The following DNAH14 variants were observed in gnomAD, a reference collection of about 807,000 sequenced individuals.
The protein encoded by DNAH14 is axonemal beta dynein heavy chain 14.
A neutral mutation model predicts 520.9 loss-of-function variants in DNAH14; 478 were observed. The ratio of observed to expected loss-of-function variants is 0.92; its 90% CI spans 0.85 to 0.99. The LOEUF is 0.99. Among genes scored for constraint, DNAH14 ranks in the 50% least tolerant of loss-of-function variants. The probability of loss-of-function intolerance (pLI) is 0.00; values close to 1 mark genes in which losing one functional copy is unlikely to be tolerated. For synonymous variants in DNAH14, 1,581 were observed against 1,757.2 expected, an observed-to-expected ratio of 0.90 and a Z score of 2.51; for missense variants, 4,831 against 5,234.5, an observed-to-expected ratio of 0.92 and a Z score of 2.38.
At chr1:225,134,940 G>A (rs1435224996) in intron 27 of DNAH14, among the ~76,000 whole-genome samples, 1 of 151,954 alleles carries the variant, frequency 6.6e-6, no homozygotes, top group Non-Finnish European at 1.5e-5. Flanking sequence ...TTTTTTCCTG[G>A]TTCAGTCTTG....
chr1:224,948,548 T>G (rs2059985182), intron 1 of DNAH14, among the ~76,000 whole-genome samples: 1 of 152,038 alleles, frequency 6.6e-6, no homozygotes, highest in African/African-American at 2.4e-5. Context: ...ATTTAGTTCA[T>G]TTATATTGAT....
At chr1:225,169,854 A>G (rs1573671901) in intron 36 of DNAH14, among the ~76,000 whole-genome samples, 1 of 152,356 alleles carries the variant, frequency 6.6e-6, no homozygotes, top group South Asian at 2.1e-4. Context: ...AAAAAATGTT[A>G]AGGGCAGCCA....
chr1:225,034,515 TTGTGTG>T (rs71170047), intron 11 of DNAH14, among the ~76,000 whole-genome samples: 3 of 147,704 alleles, frequency 2.0e-5, no homozygotes, highest in South Asian at 2.1e-4. Flanking sequence ...TGGCTTGAAT[TTGTGTG>T]TGTGTGTGTG....
At position 225,055,716 on chromosome 1, in the gene DNAH14, T is replaced by G. The variant is rs1436015022; in HGVS notation, c.2424+3921T>G. On this transcript the variant is annotated intron_variant, in intron 17 of 85. Coordinates refer to ENST00000682510, the MANE Select transcript of DNAH14 (RefSeq NM_001367479.1). ...CCACCACACAATAGGCCCTGTTGTG[T>G]GATGTTCCCCTTCCTGTTTCCATGT... Among the ~76,000 whole-genome samples the G allele has an allele frequency of 8.3e-5, 11 of 133,146 alleles. No individual in the cohort carries two copies. In the East Asian group the frequency reaches 2.4e-3, roughly 29 times the overall value. The allele number at this position is 133,146 out of a possible 152,430, so 87.3% of individuals were successfully genotyped here. A position where few individuals can be genotyped will look rare whatever the true frequency, so the allele number is the denominator to read the frequency against.
At chr1:225,141,608 TCCTGA>T (rs1266652068) in intron 28 of DNAH14, among the ~76,000 whole-genome samples, 1 of 152,174 alleles carries the variant, frequency 6.6e-6, no homozygotes, top group Non-Finnish European at 1.5e-5. Context: ...TGCTTTGTCT[TCCTGA>T]CCTGATTAGG....
chr1:225,350,673 G>A (rs979637947), intron 71 of DNAH14, among the ~76,000 whole-genome samples: 6 of 152,014 alleles, frequency 3.9e-5, no homozygotes, highest in African/African-American at 1.2e-4. Flanking sequence ...TAAATTCCTT[G>A]TAGTCTACCG....
At chr1:225,194,136 G>C (rs1412509536) in intron 38 of DNAH14, among the ~76,000 whole-genome samples, 2 of 152,012 alleles carry the variant, frequency 1.3e-5, no homozygotes, top group Non-Finnish European at 2.9e-5. Flanking sequence ...AGCAATTACA[G>C]ACTTAATGCT....
chr1:224,993,241 C>T (rs1173953399), intron 8 of DNAH14, among the ~76,000 whole-genome samples: 1 of 152,034 alleles, frequency 6.6e-6, no homozygotes, highest in Admixed American at 6.6e-5. Context: ...TGGAGGCATT[C>T]TCTTTCCAAT....
intron 53 of DNAH14, among the ~76,000 whole-genome samples, chr1:225,276,701 C>T (rs1374072835): frequency 6.6e-6 from 1 of 151,160 alleles, no homozygotes; most frequent in Non-Finnish European, 1.5e-5. Flanking sequence ...AGTTTGAGAC[C>T]AGTCTGGTCA....
At chr1:225,296,252 G>C (rs922381680) in intron 55 of DNAH14, among the ~76,000 whole-genome samples, 1 of 152,060 alleles carries the variant, frequency 6.6e-6, no homozygotes, top group African/African-American at 2.4e-5. Context: ...TAGAGACGAG[G>C]TCTCACTATG....
chr1:225,218,381 G>T lies in DNAH14; in HGVS notation c.6439+11161G>T, dbSNP rs939309443. Among the ~76,000 whole-genome samples the T allele has an allele frequency of 2.6e-5, 4 of 151,840 alleles. No individual in the cohort carries two copies. The East Asian group carries it at 7.8e-4, about 29-fold the overall frequency. ...ACTGGCTCATTGGATAAAGAGTCAA[G>T]ACCCATCAGTGTGCTGTATTCAGGA... On this transcript the variant is annotated intron_variant, in intron 41 of 85. Coordinates refer to ENST00000682510, the MANE Select transcript of DNAH14 (RefSeq NM_001367479.1).
Position 225,038,833 on chromosome 1 carries a change from T to A in DNAH14, c.1488+10T>A, listed in dbSNP as rs2067196807. On this transcript the variant is annotated intron_variant, in intron 12 of 85. Transcript: ENST00000682510. Reference sequence around the variant, plus strand: ...CACTGATATTAATGAGGTAAAATGATCTTTGAAAAATATAAACATAGATTT... The same window carrying A: ...CACTGATATTAATGAGGTAAAATGAACTTTGAAAAATATAAACATAGATTT... 6.8e-7 allele frequency: 1 copy of A among 1,467,998 alleles called. No individual in the cohort carries two copies. The highest frequency in any genetic ancestry group is 9.0e-7 in the Non-Finnish European group (1 of 1,109,294). 90.9% of individuals were successfully genotyped at this position (1,467,998 alleles called of 1,614,324 possible). A position where few individuals can be genotyped will look rare whatever the true frequency, so the allele number is the denominator to read the frequency against.
At chr1:225,121,773 G>A (rs540624139) in intron 26 of DNAH14, among the ~76,000 whole-genome samples, 22 of 151,920 alleles carry the variant, frequency 1.4e-4, no homozygotes, top group African/African-American at 4.1e-4. Flanking sequence ...CCCGGGAGGC[G>A]GAGGTTGCAG....
At chr1:225,045,227 A>G (rs2067845193) in intron 15 of DNAH14, among the ~76,000 whole-genome samples, 2 of 147,242 alleles carry the variant, frequency 1.4e-5, no homozygotes, top group South Asian at 4.3e-4. Context: ...ACATCTGATT[A>G]TTTCTATTTC....
intron 11 of DNAH14, among the ~76,000 whole-genome samples, chr1:225,036,910 T>G (rs2067017915): frequency 6.6e-6 from 1 of 152,094 alleles, no homozygotes; most frequent in Non-Finnish European, 1.5e-5. Flanking sequence ...GCTCCAGTGT[T>G]GGGTACATGT....
intron 41 of DNAH14, among the ~76,000 whole-genome samples, chr1:225,215,895 A>G (rs1445163204): frequency 6.6e-6 from 1 of 152,154 alleles, no homozygotes; most frequent in African/African-American, 2.4e-5. Context: ...GCCCATTTGC[A>G]TTTAAGATTA....
intron 54 of DNAH14, among the ~76,000 whole-genome samples, chr1:225,284,301 G>C (rs933123534): frequency 1.5e-4 from 22 of 151,448 alleles, no homozygotes; most frequent in African/African-American, 5.3e-4. Context: ...TTAAAATCAG[G>C]AATTAAAGAG....
At chr1:225,063,866 A>G (rs2148438611) in intron 17 of DNAH14, among the ~76,000 whole-genome samples, 1 of 151,348 alleles carries the variant, frequency 6.6e-6, no homozygotes, top group East Asian at 1.9e-4. Flanking sequence ...ACAAGTGAAA[A>G]GGAGAAAATT....
At chr1:225,132,563 G>T (rs2078536535) in intron 27 of DNAH14, among the ~76,000 whole-genome samples, 1 of 151,930 alleles carries the variant, frequency 6.6e-6, no homozygotes, top group Non-Finnish European at 1.5e-5. Flanking sequence ...TCTTTTTATG[G>T]CTTTGTAGTA....
Sources: allele counts gnomAD v4.1 joint callset (sites outside exome capture counted in the v4.1 genomes callset), GRCh38; gene constraint gnomAD v4.1.1; transcripts MANE v1.5; gene names NCBI Gene and HGNC (gene_info 2026-07-23, HGNC 2026-07-21).